SP140: variants seen among roughly 807,000 people sequenced by gnomAD.
The protein encoded by SP140 is nuclear body protein SP140.
Under a neutral mutation model 125.0 loss-of-function variants are expected in SP140, and 81 were observed. That is an observed-to-expected ratio of 0.65 (90% CI 0.54 to 0.78). The LOEUF (loss-of-function observed/expected upper bound fraction) is 0.78, where lower values mean the gene tolerates loss of function less well. SP140 is among the 30% of genes least tolerant of loss of function. The pLI, the probability that SP140 is intolerant of heterozygous loss-of-function variation, is 0.00. For synonymous variants in SP140, 312 were observed against 354.0 expected (o/e 0.88, Z 1.33); for missense variants, 858 against 1,037.0 (o/e 0.83, Z 2.37).
intron 26 of SP140, among the ~76,000 whole-genome samples, chr2:230,312,051 C>T (rs1215843422): frequency 1.3e-5 from 2 of 152,182 alleles, no homozygotes; most frequent in Admixed American, 6.5e-5. Context: ...GTGATCTTAC[C>T]TTATACCCTT....
chr2:230,308,341 A>G (rs1317540710), intron 22 of SP140, among the ~76,000 whole-genome samples: 1 of 152,058 alleles, frequency 6.6e-6, no homozygotes, highest in Admixed American at 6.5e-5. Context: ...CACTAAAAAA[A>G]TTATCCATGT....
chr2:230,260,741 C>A (rs1365441248), intron 12 of SP140, among the ~76,000 whole-genome samples: 2 of 152,180 alleles, frequency 1.3e-5, no homozygotes, highest in East Asian at 3.8e-4. Flanking sequence ...TGTCAAAGAT[C>A]AGTTGGCTGT....
intron 1 of SP140, among the ~76,000 whole-genome samples, chr2:230,210,909 G>A (rs1434768142): frequency 5.9e-5 from 9 of 152,210 alleles, no homozygotes; most frequent in African/African-American, 1.9e-4. Flanking sequence ...AGGGTTGAAA[G>A]TGAAAATTCC....
intron 3 of SP140, among the ~76,000 whole-genome samples, chr2:230,217,860 C>T (rs1345986054): frequency 6.6e-6 from 1 of 152,174 alleles, no homozygotes; most frequent in African/African-American, 2.4e-5. Context: ...CAGCTGGAAA[C>T]CTGGTAATAT....
At chr2:230,249,472 T>C (rs759835780) in intron 9 of SP140, among the ~76,000 whole-genome samples, 2 of 152,108 alleles carry the variant, frequency 1.3e-5, no homozygotes, top group Non-Finnish European at 2.9e-5. Flanking sequence ...AGAAGATCTT[T>C]TCCAACCTGG....
chr2:230,200,619 G>C, upstream of SP140: 1 of 511,154 alleles, frequency 2.0e-6, no homozygotes, highest in South Asian at 2.1e-5. Flanking sequence ...GCCAGTAGTG[G>C]AAAAACTCAT....
chr2:230,315,513 C>T (rs777156689), downstream of SP140, among the ~76,000 whole-genome samples: 2 of 152,208 alleles, frequency 1.3e-5, no homozygotes, highest in African/African-American at 2.4e-5. Flanking sequence ...ACCCAGCAAT[C>T]GTTTCCCCTC....
chr2:230,266,909 A>T (rs988208007), intron 12 of SP140, among the ~76,000 whole-genome samples: 1 of 152,204 alleles, frequency 6.6e-6, no homozygotes, highest in Admixed American at 6.5e-5. Flanking sequence ...GTTAAACCAG[A>T]TCCACTCTAT....
chr2:230,237,742 A>T lies in SP140; in HGVS notation c.238-471A>T, dbSNP rs1304898591. 6.3e-6 allele frequency: 1 copy of T among 159,408 alleles called. No individual in the cohort carries two copies. Among genetic ancestry groups the T allele is most frequent in the Non-Finnish European group, 1.4e-5 (1 of 73,290 alleles). The allele number at this position is 159,408 out of a possible 1,614,324, so 9.9% of individuals were successfully genotyped here. On this transcript the variant is annotated intron_variant, in intron 2 of 26. Coordinates refer to ENST00000392045, the MANE Select transcript of SP140 (RefSeq NM_007237.5). This position sits in a 1 kb window ranked among gnomAD's most constrained non-coding sequence, Gnocchi z 5.4. Reference sequence around the variant, plus strand: ...TTTCTAGAGCCCTAGAATGCAAGTTAATGTTAGCAGTGGATGCCCTTAGGG... The same window carrying T: ...TTTCTAGAGCCCTAGAATGCAAGTTTATGTTAGCAGTGGATGCCCTTAGGG...
chr2:230,254,071 C>G (rs73998787), intron 11 of SP140, among the ~76,000 whole-genome samples: 2,237 of 152,154 alleles, frequency 0.015, 38 homozygotes, highest in African/African-American at 0.051. Flanking sequence ...AGAGGATAAT[C>G]TCGATAAGAA....
At chr2:230,200,461 A>G (rs1054365503), upstream of SP140, 2 of 185,394 alleles carry the variant, frequency 1.1e-5, no homozygotes, top group South Asian at 1.0e-4. Context: ...TTTTCTCAGA[A>G]AGGCCACATG....
chr2:230,188,879 ACT>A, the SP140 span, among the ~76,000 whole-genome samples: 2 of 151,668 alleles, frequency 1.3e-5, no homozygotes, highest in African/African-American at 4.8e-5. Flanking sequence ...ATTCAATCTC[ACT>A]GTTTGTTATT....
At chr2:230,280,408 A>G (rs959776171) in intron 15 of SP140, among the ~76,000 whole-genome samples, 9 of 152,104 alleles carry the variant, frequency 5.9e-5, no homozygotes, top group African/African-American at 2.2e-4. Context: ...TGTCTCTTGT[A>G]ACTGCACTTA....
At chr2:230,307,573 G>A (rs1223845216) in intron 22 of SP140, among the ~76,000 whole-genome samples, 3 of 152,206 alleles carry the variant, frequency 2.0e-5, no homozygotes, top group African/African-American at 7.2e-5. Flanking sequence ...CAGTGTGCCT[G>A]GTCCAGACAC....
At chr2:230,259,480 C>A (rs1465416613) in intron 12 of SP140, among the ~76,000 whole-genome samples, 1 of 151,252 alleles carries the variant, frequency 6.6e-6, no homozygotes, top group Non-Finnish European at 1.5e-5. Context: ...GAGTTTGAGA[C>A]CAACCTGGCC....
chr2:230,191,251 T>C, the SP140 span, among the ~76,000 whole-genome samples: 2 of 151,654 alleles, frequency 1.3e-5, no homozygotes, highest in Non-Finnish European at 2.9e-5. Context: ...AAGAGCAAGC[T>C]AATCCAAAAG....
upstream of SP140, among the ~76,000 whole-genome samples, chr2:230,221,081 G>C (rs1304571970): frequency 6.6e-6 from 1 of 151,998 alleles, no homozygotes; most frequent in Non-Finnish European, 1.5e-5. Context: ...AGGAGTTTGA[G>C]ACCATCCTGG....
chr2:230,226,003 C>T (rs1559200438), intron 1 of SP140, 100 bp downstream of exon 1: 7 of 853,894 alleles, frequency 8.2e-6, no homozygotes, highest in South Asian at 3.4e-5. Flanking sequence ...TACAGGTATA[C>T]AATAGAATTC....
chr2:230,208,496 C>T (rs1481868338), intron 1 of SP140, among the ~76,000 whole-genome samples: 1 of 152,062 alleles, frequency 6.6e-6, no homozygotes, highest in Non-Finnish European at 1.5e-5. Context: ...GGAGGGAACT[C>T]GGAGAGGAGG....
Sources: allele counts gnomAD v4.1 joint callset (sites outside exome capture counted in the v4.1 genomes callset), GRCh38; gene constraint gnomAD v4.1.1; non-coding constraint Gnocchi (gnomAD v3.1); transcripts MANE v1.5; gene names NCBI Gene and HGNC (gene_info 2026-07-23, HGNC 2026-07-21).